The following SEC16A variants were observed in gnomAD, a reference collection of about 807,000 sequenced individuals.
SEC16A encodes protein transport protein Sec16A.
SEC16A carries 110 observed loss-of-function variants against 221.9 expected under a neutral mutation model. The observed-to-expected ratio is 0.50, with a 90% CI of 0.42 to 0.58. The LOEUF (loss-of-function observed/expected upper bound fraction) is 0.58. Ranked by LOEUF, SEC16A falls within the 20% of genes least tolerant of loss-of-function variation. The probability of loss-of-function intolerance (pLI) is 0.00; values close to 1 mark genes in which losing one functional copy is unlikely to be tolerated. For synonymous variants in SEC16A, 1,393 were observed against 1,257.7 expected, an observed-to-expected ratio of 1.11 and a Z score of -2.28; for missense variants, 3,165 against 3,097.8, an observed-to-expected ratio of 1.02 and a Z score of -0.52.
intron 20 of SEC16A, among the ~76,000 whole-genome samples, chr9:136,454,741 A>G (rs140610519): frequency 1.2e-4 from 18 of 152,366 alleles, no homozygotes; most frequent in African/African-American, 3.6e-4. Flanking sequence ...TACCAGCACC[A>G]TGCTGGGCCC....
intron 22 of SEC16A, among the ~76,000 whole-genome samples, 191 bp downstream of exon 22, chr9:136,453,237 G>A (rs1238417165): frequency 6.6e-6 from 1 of 152,048 alleles, no homozygotes; most frequent in East Asian, 1.9e-4. Context: ...ATCTTTCCCT[G>A]CCAGTGTTTT....
At position 136,445,703 on chromosome 9, in the gene SEC16A, G is replaced by C. The variant is rs200253490; in HGVS notation, c.6809C>G (p.Ala2270Gly). The C allele has an allele frequency of 3.3e-5, 51 of 1,552,070 alleles. No homozygotes were observed. Among genetic ancestry groups the C allele is most frequent in the Non-Finnish European group, 4.4e-5 (51 of 1,148,256 alleles). The change falls in exon 29 of 32, where the codon GCG becomes GGG. Residue 2270 changes from alanine (A) to glycine (G), a missense_variant. Ala to Gly is a moderately conservative substitution (Grantham distance 60, BLOSUM62 0). Coordinates refer to ENST00000684901, the MANE Select transcript of SEC16A (RefSeq NM_014866.2). ...APEPKVLSSA[A>G]SLPGSELPSS... The stretch of plus-strand genomic sequence containing the variant: ...GGGGAGTTCAGAGCCAGGGAGTGAC[G>C]CTGCAGAGCTTAAAACCTGCCGAGG...
Position 136,474,755 on chromosome 9 carries a change from A to T in SEC16A, c.2861T>A (p.Phe954Tyr). 4 of 1,613,918 alleles carry T rather than the reference A, an allele frequency of 2.5e-6. No individual in the cohort carries two copies. The South Asian group carries it at 3.3e-5, about 13-fold the overall frequency. ...TGTGCTTCCAGCAGGGCTATTAGCA[A>T]ATCCGGGAAGAGCACTTCCTGCCTT... ...DRKAGSALPG[F>Y]ANSPAGSTSV... Residue 954 changes from phenylalanine (F) to tyrosine (Y), a missense_variant, in exon 3 of 32, where the codon TTT becomes TAT. Transcript: ENST00000684901.
rs954261181 is a variant in SEC16A at position 136,466,552 on chromosome 9, G to A, written c.3930-90C>T. On this transcript the variant is annotated intron_variant, in intron 6 of 31. Coordinates refer to ENST00000684901, the MANE Select transcript of SEC16A (RefSeq NM_014866.2). This position sits in a 1 kb window ranked among gnomAD's most constrained non-coding sequence, Gnocchi z 5.5. Reference sequence around the variant, plus strand: ...ACGCAGCTGCCCAGGAGCTGAGACCGAGACCCCTGGGGCCGAGGCACAACA... The same window carrying A: ...ACGCAGCTGCCCAGGAGCTGAGACCAAGACCCCTGGGGCCGAGGCACAACA... The A allele has an allele frequency of 2.7e-5, 35 of 1,275,782 alleles. No individual in the cohort carries two copies. The highest frequency in any genetic ancestry group is 4.5e-5 in the African/African-American group (3 of 66,780). The allele number at this position is 1,275,782 out of a possible 1,614,324, so 79.0% of individuals were successfully genotyped here. A position where few individuals can be genotyped will look rare whatever the true frequency, so the allele number is the denominator to read the frequency against.
At chr9:136,461,314 G>A (rs780052136) in intron 12 of SEC16A, 40 bp from the exon 13 acceptor site, 37 of 1,454,938 alleles carry the variant, frequency 2.5e-5, no homozygotes, top group Middle Eastern at 1.7e-4. Flanking sequence ...GGTTATCGGC[G>A]GCGCTCACGT....
Position 136,447,324 on chromosome 9 carries a change from G to A in SEC16A, c.6600C>T (p.Ser2200=), listed in dbSNP as rs374504626. Residue 2200 remains serine, a synonymous_variant, in exon 27 of 32, where the codon AGC becomes AGT. Transcript: ENST00000684901. This position sits in a 1 kb window ranked among gnomAD's most constrained non-coding sequence, Gnocchi z 5.5. ...GAGCCGGCTCGCTCCGCTGGGTCCCGCTTGGGTTCAGGACGTCAACGTAGC... is the reference window on the plus strand; with the variant it reads ...GAGCCGGCTCGCTCCGCTGGGTCCCACTTGGGTTCAGGACGTCAACGTAGC... ...RARYVDVLNP[S]GTQRSEPALA... 13 of 1,596,538 alleles carry A rather than the reference G, an allele frequency of 8.1e-6. No homozygotes were observed. Among genetic ancestry groups the A allele is most frequent in the African/African-American group, 6.7e-5 (5 of 74,646 alleles).
At chr9:136,470,159 G>A (rs1469186922) in intron 4 of SEC16A, among the ~76,000 whole-genome samples, 3 of 152,256 alleles carry the variant, frequency 2.0e-5, no homozygotes, top group African/African-American at 7.2e-5. Context: ...AACCAAAGCG[G>A]GGGAAGGAGC....
At position 136,461,218 on chromosome 9, in the gene SEC16A, T is replaced by G. The variant is rs368141932; in HGVS notation, c.4950A>C (p.Ala1650=). The G allele has an allele frequency of 3.4e-5, 55 of 1,609,620 alleles. No individual in the cohort carries two copies. In the African/African-American group the frequency reaches 6.4e-4, roughly 19 times the overall value. The part of the protein sequence containing the change: ...NGLWGHALLL[A]SKMDSRTHAR... The stretch of plus-strand genomic sequence containing the variant: ...CGTGTGTCCGGCTGTCCATCTTACT[T>G]GCAAGTAGCAGAGCGTGACCCCACA... The change falls in exon 13 of 32, where the codon GCA becomes GCC. Residue 1650 remains alanine, a synonymous_variant. Coordinates refer to ENST00000684901, the MANE Select transcript of SEC16A (RefSeq NM_014866.2).
rs1841294236 is a variant in SEC16A, at chr9:136,474,170, G to C, written c.3446C>G (p.Pro1149Arg). 1.2e-6 allele frequency: 2 copies of C among 1,613,176 alleles called. No individual in the cohort carries two copies. The highest frequency in any genetic ancestry group is 1.7e-4 in the Middle Eastern group (1 of 5,772). The change falls in exon 3 of 32, where the codon CCC becomes CGC. Residue 1149 changes from proline to arginine, a missense_variant. Around this residue, in one of 3 missense-constraint regions of SEC16A, gnomAD observed 2,030 missense variants for 1,923.1 expected, o/e 1.06. Coordinates refer to ENST00000684901, the MANE Select transcript of SEC16A (RefSeq NM_014866.2). ...GGCCAGGTCCTGAGGCGGTGGGCCGGGGGCAAGTGCAGGCACTGGCTGTGG... is the reference window on the plus strand; with the variant it reads ...GGCCAGGTCCTGAGGCGGTGGGCCGCGGGCAAGTGCAGGCACTGGCTGTGG... ...PWPQPVPALAPGPPPQDLAAY... is the reference protein window; with the variant it reads ...PWPQPVPALARGPPPQDLAAY...
At chr9:136,464,671 G>T in intron 8 of SEC16A, 109 bp from the exon 9 acceptor site, 1 of 975,292 alleles carries the variant, frequency 1.0e-6, no homozygotes, top group Non-Finnish European at 1.5e-6. Context: ...GATTTATCAC[G>T]ACAGACTTCC....
At chr9:136,477,766 G>A in intron 2 of SEC16A, 82 bp from the exon 3 acceptor site, 1 of 1,318,236 alleles carries the variant, frequency 7.6e-7, no homozygotes, top group Non-Finnish European at 1.0e-6. Flanking sequence ...AGGAAAAAGA[G>A]AAACATTGAA....
intron 2 of SEC16A, among the ~76,000 whole-genome samples, 183 bp downstream of exon 2, chr9:136,478,526 G>C (rs1254578520): frequency 6.6e-6 from 1 of 152,064 alleles, no homozygotes; most frequent in Non-Finnish European, 1.5e-5. Flanking sequence ...AGAGCATTAT[G>C]AAGTATAGTT....
chr9:136,463,898 A>C (rs1281003477), intron 9 of SEC16A, among the ~76,000 whole-genome samples, 158 bp from the exon 10 acceptor site: 1 of 152,242 alleles, frequency 6.6e-6, no homozygotes, highest in African/African-American at 2.4e-5. Context: ...AGGCTGTTAC[A>C]TGGAACATGG....
In SEC16A at chr9:136,474,706, T is replaced by G; in HGVS notation, c.2910A>C (p.Ala970=). 6.2e-7 allele frequency: 1 copy of G among 1,613,860 alleles called. No homozygotes were observed. The highest frequency in any genetic ancestry group is 8.5e-7 in the Non-Finnish European group (1 of 1,179,906). ...TACCATCAGGCACCAGGGTGCCGTG[T>G]GCAGGTGGAACTAACACCACACTTG... ...GSTSVVLVPP[A]HGTLVPDGNK... is the part of the protein sequence containing the mutation. Residue 970 remains alanine, a synonymous_variant, in exon 3 of 32, where the codon GCA becomes GCC. Transcript: ENST00000684901.
chr9:136,476,334 G>A lies in SEC16A; in HGVS notation c.1282C>T (p.Leu428Phe), dbSNP rs1172410206. The A allele has an allele frequency of 4.3e-6, 7 of 1,612,694 alleles. No individual in the cohort carries two copies. The highest frequency in any genetic ancestry group is 4.0e-5 in the African/African-American group (3 of 74,956). The change falls in exon 3 of 32, where the codon CTC (leucine) becomes TTC (phenylalanine). Residue 428 changes from leucine (L) to phenylalanine (F), a missense_variant. By Grantham distance (22) the Leu-to-Phe change is conservative. This residue lies in a region of SEC16A where 2,030 missense variants were observed against 1,923.1 expected (regional missense o/e 1.06). Transcript: ENST00000684901. ...VGAGSLCQAL[L>F]PGPSNEAAGD... ...GCAGCCTCATTGCTGGGGCCTGGGA[G>A]AAGGGCCTGGCAGAGGCTGCCTGCC...
chr9:136,476,281 G>A lies in SEC16A; in HGVS notation c.1335C>T (p.Ser445=). 3 of 1,613,336 alleles carry A rather than the reference G, an allele frequency of 1.9e-6. No homozygotes were observed. Among genetic ancestry groups the A allele is most frequent in the Non-Finnish European group, 2.5e-6 (3 of 1,179,906 alleles). ...AAGDVWGDTA[S]TGVPDASGSQ... Reference sequence around the variant, plus strand: ...AGCCGCTGGCATCCGGCACCCCTGTGCTCGCTGTGTCACCCCACACATCAC... The same window carrying A: ...AGCCGCTGGCATCCGGCACCCCTGTACTCGCTGTGTCACCCCACACATCAC... The change falls in exon 3 of 32, where the codon AGC becomes AGT. Residue 445 remains serine (S), a synonymous_variant. Coordinates refer to ENST00000684901, the MANE Select transcript of SEC16A (RefSeq NM_014866.2).
intron 23 of SEC16A, among the ~76,000 whole-genome samples, chr9:136,450,476 T>A (rs550498023): frequency 6.8e-6 from 1 of 147,482 alleles, no homozygotes; most frequent in Admixed American, 7.1e-5. Context: ...CCCATCTTTA[T>A]GGGGGAAAAA....
At chr9:136,455,521 GAGGCAAGGGTGC>G in intron 20 of SEC16A, 68 bp downstream of exon 20, 1 of 1,336,092 alleles carries the variant, frequency 7.5e-7, no homozygotes, top group Non-Finnish European at 1.0e-6. Flanking sequence ...AGTTCTCCAG[GAGGCAAGGGTGC>G]AGGCCATGGC....
At chr9:136,442,855 C>T (rs910106553) in intron 31 of SEC16A, among the ~76,000 whole-genome samples, 4 of 152,200 alleles carry the variant, frequency 2.6e-5, no homozygotes, top group Non-Finnish European at 4.4e-5. Context: ...CAGCTCCAGA[C>T]GTGAAAGGCA....
Sources: allele counts gnomAD v4.1 joint callset (sites outside exome capture counted in the v4.1 genomes callset), GRCh38; gene constraint gnomAD v4.1.1; regional missense constraint gnomAD v4.1.1; non-coding constraint Gnocchi (gnomAD v3.1); transcripts MANE v1.5; gene names NCBI Gene and HGNC (gene_info 2026-07-23, HGNC 2026-07-21).